Variants in S100Z observed in about 807,000 individuals in gnomAD.
S100Z encodes the protein S100 calcium binding protein Z, also known as protein S100-Z.
Under a neutral mutation model 8.5 loss-of-function variants are expected in S100Z, and 11 were observed. The ratio of observed to expected loss-of-function variants is 1.30; its 90% CI spans 0.82 to 2.15. The LOEUF (loss-of-function observed/expected upper bound fraction) is 2.15, where lower values mean the gene tolerates loss of function less well. Among genes scored for constraint, S100Z ranks in the 30% most tolerant of loss-of-function variants. The probability of loss-of-function intolerance (pLI) is 0.00; values close to 1 mark genes in which losing one functional copy is unlikely to be tolerated. For missense variants in S100Z, 126 were observed against 117.9 expected, an observed-to-expected ratio of 1.07 and a Z score of -0.32; for synonymous variants, 34 against 43.8, an observed-to-expected ratio of 0.78 and a Z score of 0.89.
intron 2 of S100Z, among the ~76,000 whole-genome samples, chr5:76,872,100 A>T (rs1290053909): frequency 6.6e-6 from 1 of 152,014 alleles, no homozygotes; most frequent in Non-Finnish European, 1.5e-5. Context: ...AAAATTAACC[A>T]GGAATGGTGG....
rs79235617 is a variant in S100Z, at chr5:76,918,036, T to C, written c.*3-2681T>C. Among the ~76,000 whole-genome samples, 693 of 152,334 alleles carry C rather than the reference T, an allele frequency of 4.5e-3. 6 individuals carry two copies. The highest frequency in any genetic ancestry group is 0.016 in the African/African-American group (645 of 41,574). On this transcript the variant is annotated intron_variant, in intron 4 of 4. Transcript: ENST00000317593. Reference sequence around the variant, plus strand: ...TCTATCTGTAGGTTAATTCCTACAATTGGACTTGTGGTCAAAGGTATACGT... The same window carrying C: ...TCTATCTGTAGGTTAATTCCTACAACTGGACTTGTGGTCAAAGGTATACGT...
At chr5:76,932,929 C>G in the S100Z span, among the ~76,000 whole-genome samples, 6 of 152,292 alleles carry the variant, frequency 3.9e-5, no homozygotes, top group South Asian at 1.0e-3. Context: ...GGAGCTGAAA[C>G]TCATTAAAAT....
the S100Z span, among the ~76,000 whole-genome samples, chr5:76,949,922 C>T: frequency 6.6e-6 from 1 of 152,164 alleles, no homozygotes; most frequent in African/African-American, 2.4e-5. Context: ...TTGTGTTGTG[C>T]ACTTAAATAT....
intron 4 of S100Z, among the ~76,000 whole-genome samples, chr5:76,903,622 G>T (rs1314521948): frequency 1.3e-5 from 2 of 151,984 alleles, no homozygotes; most frequent in African/African-American, 4.8e-5. Flanking sequence ...CTTTCTAATA[G>T]GTGTAAAGTG....
chr5:76,930,997 C>T, the S100Z span, among the ~76,000 whole-genome samples: 1 of 152,036 alleles, frequency 6.6e-6, no homozygotes, highest in Non-Finnish European at 1.5e-5. Context: ...AGCTTTTTTG[C>T]CTGAAGGAGT....
At chr5:76,903,198 T>A (rs961350326) in intron 4 of S100Z, among the ~76,000 whole-genome samples, 1 of 152,056 alleles carries the variant, frequency 6.6e-6, no homozygotes, top group African/African-American at 2.4e-5. Context: ...AAAATATATA[T>A]AAGAATAAGG....
intron 4 of S100Z, among the ~76,000 whole-genome samples, chr5:76,908,982 C>CT (rs1206952795): frequency 2.0e-5 from 3 of 152,126 alleles, no homozygotes; most frequent in African/African-American, 7.2e-5. Flanking sequence ...GCCACTAAAT[C>CT]CAACCTTCTT....
chr5:76,876,324 G>C (rs7708580), intron 3 of S100Z, among the ~76,000 whole-genome samples: 2,480 of 151,534 alleles, frequency 0.016, 71 homozygotes, highest in African/African-American at 0.056. Flanking sequence ...AGTGATCTTA[G>C]AATTCCCACA....
rs145338697 is a variant in S100Z at position 76,857,856 on chromosome 5, A to G, written c.-176+7701A>G. Among the ~76,000 whole-genome samples, 1,504 of 152,214 alleles carry G rather than the reference A, an allele frequency of 9.9e-3. 27 individuals are homozygous for G. Among genetic ancestry groups the G allele is most frequent in the African/African-American group, 0.033 (1,381 of 41,514 alleles). ...TCTTCTACAAGAAATTTCTTACCCA[A>G]GAGTTTTTAGAAGTAATTAATAAGT... On this transcript the variant is annotated intron_variant, in intron 1 of 4. Coordinates refer to ENST00000317593, the MANE Select transcript of S100Z (RefSeq NM_130772.4).
At chr5:76,890,336 T>C (rs1306587303) in intron 4 of S100Z, among the ~76,000 whole-genome samples, 3 of 152,164 alleles carry the variant, frequency 2.0e-5, no homozygotes, top group Non-Finnish European at 2.9e-5. Flanking sequence ...AAATTTAATT[T>C]TGAAAATATA....
chr5:76,936,405 G>A, the S100Z span, among the ~76,000 whole-genome samples: 251 of 152,032 alleles, frequency 1.7e-3, no homozygotes, highest in African/African-American at 4.6e-3. Context: ...ATATCAAAAC[G>A]TTAACCATGG....
chr5:76,889,049 A>AGTGACATGCCTGGTCAAACCAAGCCCC (rs1743763236), intron 4 of S100Z, among the ~76,000 whole-genome samples: 1 of 152,166 alleles, frequency 6.6e-6, no homozygotes, highest in Non-Finnish European at 1.5e-5. Flanking sequence ...GGGCTACCTG[A>AGTGACATGCCTGGTCAAACCAAGCCCC]GTGACATGCC....
At chr5:76,936,221 A>T in the S100Z span, among the ~76,000 whole-genome samples, 1 of 152,120 alleles carries the variant, frequency 6.6e-6, no homozygotes, top group Non-Finnish European at 1.5e-5. Flanking sequence ...CATTTAAATG[A>T]TGTGGAAAAA....
At chr5:76,881,200 GA>G (rs1561233697) in intron 4 of S100Z, among the ~76,000 whole-genome samples, 1 of 152,196 alleles carries the variant, frequency 6.6e-6, no homozygotes, top group Admixed American at 6.5e-5. Context: ...CCAAGAGCCT[GA>G]GAAACTGCTT....
In S100Z at chr5:76,872,262, A is replaced by G. The variant is rs574843295; in HGVS notation, c.-57+1978A>G. ...ACCCTATCTCAAAAATAAATAAATA[A>G]TGAACTAAATTGTAACCTGCCACCT... is the stretch of plus-strand genomic sequence containing the variant. On this transcript the variant is annotated intron_variant, in intron 2 of 4. Coordinates refer to ENST00000317593, the MANE Select transcript of S100Z (RefSeq NM_130772.4). Among the ~76,000 whole-genome samples the G allele has an allele frequency of 2.0e-5, 3 of 152,114 alleles. No individual in the cohort carries two copies. The East Asian group carries it at 5.8e-4, about 29-fold the overall frequency.
At chr5:76,927,214 T>TG in the S100Z span, among the ~76,000 whole-genome samples, 1 of 152,210 alleles carries the variant, frequency 6.6e-6, no homozygotes, top group African/African-American at 2.4e-5. Flanking sequence ...TTCTGTGCTC[T>TG]GGGGGAGAGG....
intron 1 of S100Z, among the ~76,000 whole-genome samples, chr5:76,865,827 A>G (rs1751254684): frequency 6.6e-6 from 1 of 150,586 alleles, no homozygotes; most frequent in Non-Finnish European, 1.5e-5. Context: ...AGCCTGGCCA[A>G]CATGGTGAAA....
chr5:76,868,058 T>G (rs1742847125), intron 1 of S100Z, among the ~76,000 whole-genome samples: 1 of 152,236 alleles, frequency 6.6e-6, no homozygotes, highest in South Asian at 2.1e-4. Context: ...TCAACAGGTG[T>G]GTCTCCCCCT....
chr5:76,922,142 T>C (rs1186434611), downstream of S100Z, among the ~76,000 whole-genome samples: 2 of 152,168 alleles, frequency 1.3e-5, no homozygotes, highest in African/African-American at 4.8e-5. Flanking sequence ...AGAATCAAGG[T>C]TCCCCTAACC....
Sources: gnomAD v4.1 joint callset for allele counts (sites outside exome capture counted in the v4.1 genomes callset) on GRCh38, gnomAD v4.1.1 for gene constraint, MANE v1.5 for transcripts, NCBI Gene and HGNC (gene_info 2026-07-23, HGNC 2026-07-21) for gene names.